Variants in SNX24 observed in about 807,000 individuals in gnomAD.
SNX24 encodes the protein sorting nexin 24, also known as sorting nexin-24.
Under a neutral mutation model 28.7 loss-of-function variants are expected in SNX24, and 22 were observed. The observed-to-expected ratio is 0.77, with a 90% CI of 0.55 to 1.10. The LOEUF (loss-of-function observed/expected upper bound fraction) is 1.10. Among genes scored for constraint, SNX24 ranks in the 50% least tolerant of loss-of-function variants. The pLI is 0.00. For synonymous variants in SNX24, 69 were observed against 71.5 expected (o/e 0.96, Z 0.18); for missense variants, 221 against 201.1 (o/e 1.10, Z -0.60).
intron 5 of SNX24, among the ~76,000 whole-genome samples, chr5:123,020,931 A>G (rs1762752506): frequency 6.6e-6 from 1 of 152,176 alleles, no homozygotes; most frequent in Admixed American, 6.5e-5. Flanking sequence ...CCTAGGCCTG[A>G]GCCAGTCACT....
intron 5 of SNX24, among the ~76,000 whole-genome samples, chr5:123,021,806 C>A (rs1423520392): frequency 6.6e-6 from 1 of 152,144 alleles, no homozygotes; most frequent in East Asian, 1.9e-4. Flanking sequence ...CCTTTCTGCA[C>A]CAGGCCCTAA....
chr5:122,996,258 C>A (rs1025160690), intron 3 of SNX24, among the ~76,000 whole-genome samples: 1 of 152,148 alleles, frequency 6.6e-6, no homozygotes, highest in African/African-American at 2.4e-5. Flanking sequence ...AGAAGGCCAG[C>A]GTGTCCTTTG....
At chr5:122,916,642 C>T (rs961776438) in intron 1 of SNX24, among the ~76,000 whole-genome samples, 19 of 152,132 alleles carry the variant, frequency 1.2e-4, no homozygotes, top group African/African-American at 3.4e-4. Context: ...TACTTCCATA[C>T]CTGATGACAC....
At chr5:122,857,695 A>G (rs1269061627) in intron 1 of SNX24, among the ~76,000 whole-genome samples, 1 of 152,166 alleles carries the variant, frequency 6.6e-6, no homozygotes, top group East Asian at 1.9e-4. Flanking sequence ...TTTGCTAAGG[A>G]TAACGGCCTC....
chr5:122,872,032 A>AGCTATTGTTATTTCT (rs1464865918), intron 1 of SNX24, among the ~76,000 whole-genome samples: 1 of 151,458 alleles, frequency 6.6e-6, no homozygotes, highest in African/African-American at 2.4e-5. Flanking sequence ...AATGTGGAGC[A>AGCTATTGTTATTTCT]GCTATTGTTA....
chr5:123,015,835 C>G (rs1762670236), intron 5 of SNX24, among the ~76,000 whole-genome samples: 1 of 152,182 alleles, frequency 6.6e-6, no homozygotes, highest in South Asian at 2.1e-4. Flanking sequence ...ATGGCTACTG[C>G]AAGAAGCTGG....
At chr5:122,973,031 C>T (rs1345961974) in intron 3 of SNX24, among the ~76,000 whole-genome samples, 1 of 152,142 alleles carries the variant, frequency 6.6e-6, no homozygotes, top group Non-Finnish European at 1.5e-5. Flanking sequence ...GGAAAGAGAC[C>T]GAGTGGTGTC....
chr5:122,928,024 G>T (rs1277145836), intron 1 of SNX24, among the ~76,000 whole-genome samples: 1 of 152,114 alleles, frequency 6.6e-6, no homozygotes, highest in African/African-American at 2.4e-5. Flanking sequence ...TTATTTTTAT[G>T]TACTTTTACA....
intron 5 of SNX24, among the ~76,000 whole-genome samples, chr5:123,017,689 C>A (rs1317717190): frequency 6.6e-6 from 1 of 151,974 alleles, no homozygotes; most frequent in Non-Finnish European, 1.5e-5. Context: ...GTGGGTCTTT[C>A]CCATGCTGTT....
intron 1 of SNX24, among the ~76,000 whole-genome samples, chr5:122,848,634 C>T (rs1433728418): frequency 1.3e-5 from 2 of 151,952 alleles, no homozygotes; most frequent in Non-Finnish European, 2.9e-5. Context: ...TCTTGAGCCC[C>T]GGAGGCGGAG....
chr5:122,917,693 T>C (rs1415887235), intron 1 of SNX24, among the ~76,000 whole-genome samples: 1 of 152,224 alleles, frequency 6.6e-6, no homozygotes. Flanking sequence ...ATCATAAAAC[T>C]GCATTCTTCA....
chr5:123,010,138 G>T (rs1388950116), downstream of SNX24, among the ~76,000 whole-genome samples: 2 of 152,154 alleles, frequency 1.3e-5, no homozygotes, highest in Non-Finnish European at 2.9e-5. Flanking sequence ...GTGGCAGGAG[G>T]ATGGTATTCG....
At chr5:123,006,186 A>G (rs1346941772) in intron 6 of SNX24, among the ~76,000 whole-genome samples, 1 of 152,214 alleles carries the variant, frequency 6.6e-6, no homozygotes, top group Admixed American at 6.5e-5. Flanking sequence ...TCTATCACTT[A>G]CTTGACTTCC....
chr5:122,969,511 A>C (rs1308277180), intron 3 of SNX24, among the ~76,000 whole-genome samples: 1 of 152,176 alleles, frequency 6.6e-6, no homozygotes, highest in Non-Finnish European at 1.5e-5. Context: ...CTAGTATTCC[A>C]TTTTTGCTAT....
rs1177571397 is a variant in SNX24 at position 122,985,526 on chromosome 5, G to C, written c.250-14386G>C. On this transcript the variant is annotated intron_variant, in intron 3 of 6. Coordinates refer to ENST00000261369, the MANE Select transcript of SNX24 (RefSeq NM_014035.4). ...GCTTATCTACCTCAAAGGTAGTTGA[G>C]AGGATTAAGCGACCCATTATATGTG... Among the ~76,000 whole-genome samples the C allele has an allele frequency of 4.6e-5, 7 of 152,174 alleles. No individual in the cohort carries two copies. In the South Asian group the frequency reaches 6.2e-4, roughly 13 times the overall value.
chr5:122,886,562 C>G (rs558491233), intron 1 of SNX24, among the ~76,000 whole-genome samples: 4 of 152,132 alleles, frequency 2.6e-5, no homozygotes, highest in African/African-American at 9.7e-5. Flanking sequence ...TGCCTGTAAT[C>G]CCAGCACTTT....
intron 3 of SNX24, among the ~76,000 whole-genome samples, chr5:122,979,456 C>A (rs941617335): frequency 1.6e-5 from 2 of 126,802 alleles, no homozygotes; most frequent in African/African-American, 5.9e-5. Flanking sequence ...GGGTGGAAGC[C>A]AAGAAGGGCT....
At chr5:122,858,547 T>C (rs1755310399) in intron 1 of SNX24, among the ~76,000 whole-genome samples, 1 of 152,226 alleles carries the variant, frequency 6.6e-6, no homozygotes, top group African/African-American at 2.4e-5. Context: ...CAGTGGTTAC[T>C]GGACCAAAAA....
intron 1 of SNX24, among the ~76,000 whole-genome samples, chr5:122,878,970 A>T (rs947138446): frequency 6.6e-5 from 10 of 152,012 alleles, no homozygotes; most frequent in African/African-American, 2.4e-4. Flanking sequence ...AAAAAAAATT[A>T]AAAATTAAAA....
Sources: allele counts gnomAD v4.1 joint callset (sites outside exome capture counted in the v4.1 genomes callset), GRCh38; gene constraint gnomAD v4.1.1; transcripts MANE v1.5; gene names NCBI Gene and HGNC (gene_info 2026-07-23, HGNC 2026-07-21).